TMTC2: variants seen among roughly 807,000 people sequenced by gnomAD.
TMTC2 encodes protein O-mannosyl-transferase TMTC2.
TMTC2 carries 43 observed loss-of-function variants against 82.4 expected under a neutral mutation model. That is an observed-to-expected ratio of 0.52 (90% confidence interval 0.41 to 0.67). TMTC2 has a LOEUF of 0.67. Ranked by LOEUF, TMTC2 falls within the 30% of genes least tolerant of loss-of-function variation. The pLI, the probability that TMTC2 is intolerant of heterozygous loss-of-function variation, is 0.00. For missense variants in TMTC2, 919 were observed against 1,012.4 expected, an observed-to-expected ratio of 0.91 and a Z score of 1.25; for synonymous variants, 408 against 381.9, an observed-to-expected ratio of 1.07 and a Z score of -0.80.
chr12:82,777,377 G>C (rs890825028), intron 1 of TMTC2, among the ~76,000 whole-genome samples: 5 of 151,940 alleles, frequency 3.3e-5, no homozygotes, highest in Non-Finnish European at 7.4e-5. Flanking sequence ...CATTTCTATT[G>C]GTATAGCAAG....
At chr12:83,128,616 A>G (rs954577336) in intron 11 of TMTC2, among the ~76,000 whole-genome samples, 3 of 152,278 alleles carry the variant, frequency 2.0e-5, no homozygotes, top group Non-Finnish European at 4.4e-5. Flanking sequence ...TGCTTCTCAA[A>G]TTTTAATGAG....
chr12:82,756,763 C>T (rs1876352869), intron 1 of TMTC2, among the ~76,000 whole-genome samples: 1 of 152,032 alleles, frequency 6.6e-6, no homozygotes, highest in Non-Finnish European at 1.5e-5. Flanking sequence ...TGGAAGACAT[C>T]CACCCTGTAC....
At chr12:83,101,699 T>G (rs959819520) in intron 11 of TMTC2, among the ~76,000 whole-genome samples, 1 of 152,212 alleles carries the variant, frequency 6.6e-6, no homozygotes, top group Admixed American at 6.5e-5. Context: ...CTTTGTTACC[T>G]TGAAGAACTA....
intron 3 of TMTC2, among the ~76,000 whole-genome samples, chr12:82,926,179 C>T (rs1592632445): frequency 6.6e-6 from 1 of 152,214 alleles, no homozygotes; most frequent in East Asian, 1.9e-4. Context: ...TGGGGTTTCA[C>T]CATGTTGGCC....
At chr12:82,744,149 C>T (rs972431227) in intron 1 of TMTC2, among the ~76,000 whole-genome samples, 6 of 152,078 alleles carry the variant, frequency 3.9e-5, no homozygotes, top group Non-Finnish European at 7.4e-5. Context: ...CAGCCGGGCA[C>T]GGTGGCTCAT....
At chr12:82,899,798 A>AAT (rs1185929388) in intron 3 of TMTC2, among the ~76,000 whole-genome samples, 32 of 145,926 alleles carry the variant, frequency 2.2e-4, no homozygotes, top group Admixed American at 4.2e-4. Context: ...CATATATAGG[A>AAT]ATATATATAT....
intron 1 of TMTC2, among the ~76,000 whole-genome samples, chr12:82,764,977 G>T (rs111406106): frequency 5.3e-4 from 80 of 150,784 alleles, no homozygotes; most frequent in South Asian, 1.1e-3. Context: ...TGGTGGGCGG[G>T]GGGGTGACTG....
intron 9 of TMTC2, 114 bp downstream of exon 9, chr12:83,030,993 C>T: frequency 2.8e-6 from 2 of 718,612 alleles, no homozygotes; most frequent in Non-Finnish European, 4.8e-6. Flanking sequence ...TTTGTTATTG[C>T]AGATTTAGCC....
chr12:83,072,985 A>C (rs999795187), intron 11 of TMTC2, among the ~76,000 whole-genome samples: 1 of 151,768 alleles, frequency 6.6e-6, no homozygotes. Context: ...TTTACATTCT[A>C]TGTTAATGTT....
intron 2 of TMTC2, among the ~76,000 whole-genome samples, chr12:82,862,478 G>C (rs1221891474): frequency 1.3e-5 from 2 of 152,144 alleles, no homozygotes; most frequent in African/African-American, 4.8e-5. Context: ...AGATAGTTTA[G>C]AAAAATGAAG....
At position 82,858,789 on chromosome 12, in the gene TMTC2, C is replaced by G. The variant is rs551087341; in HGVS notation, c.654+1209C>G. 3.3e-5 allele frequency among the ~76,000 whole-genome samples: 5 copies of G among 152,134 alleles called. No individual in the cohort carries two copies. The South Asian group carries it at 1.0e-3, about 32-fold the overall frequency. On this transcript the variant is annotated intron_variant, in intron 2 of 11. Transcript: ENST00000321196. ...TTAAATGCTGAAACTTTAAAAGAAACTCTGGTTAGAGTTTGATGCTTGAAA... is the reference window on the plus strand; with the variant it reads ...TTAAATGCTGAAACTTTAAAAGAAAGTCTGGTTAGAGTTTGATGCTTGAAA...
At chr12:82,934,588 GTA>G (rs1876217409) in intron 4 of TMTC2, among the ~76,000 whole-genome samples, 1 of 152,052 alleles carries the variant, frequency 6.6e-6, no homozygotes, top group Non-Finnish European at 1.5e-5. Flanking sequence ...GTAGTATTCT[GTA>G]GTGTATATGT....
chr12:83,008,259 C>T (rs1880294609), intron 8 of TMTC2, among the ~76,000 whole-genome samples: 1 of 152,094 alleles, frequency 6.6e-6, no homozygotes, highest in Non-Finnish European at 1.5e-5. Flanking sequence ...TTTGGGAACG[C>T]CCTCAATCAT....
At position 82,972,745 on chromosome 12, in the gene TMTC2, G is replaced by A. The variant is rs142706697; in HGVS notation, c.1948+5748G>A. ...GAAAACAATGCAAATGTTCTCGCTCGTAAATTCAAATTCTACTTTAGGTCT... is the reference window on the plus strand; with the variant it reads ...GAAAACAATGCAAATGTTCTCGCTCATAAATTCAAATTCTACTTTAGGTCT... On this transcript the variant is annotated intron_variant, in intron 7 of 11. Coordinates refer to ENST00000321196, the MANE Select transcript of TMTC2 (RefSeq NM_152588.3). Among the ~76,000 whole-genome samples the A allele has an allele frequency of 6.4e-3, 967 of 152,248 alleles. 7 individuals carry two copies. Among genetic ancestry groups the A allele is most frequent in the Non-Finnish European group, 9.2e-3 (624 of 67,982 alleles).
intron 1 of TMTC2, among the ~76,000 whole-genome samples, chr12:82,802,681 AGATATAGAAAAGT>A (rs1339339298): frequency 6.6e-6 from 1 of 152,198 alleles, no homozygotes; most frequent in Non-Finnish European, 1.5e-5. Flanking sequence ...AAAAGGCATG[AGATATAGAAAAGT>A]GAATTGCTGG....
At chr12:83,092,274 T>C (rs759403689) in intron 11 of TMTC2, among the ~76,000 whole-genome samples, 42 of 152,168 alleles carry the variant, frequency 2.8e-4, no homozygotes, top group Non-Finnish European at 4.1e-4. Flanking sequence ...CAGCCTCACA[T>C]AGAGCTTAAA....
intron 8 of TMTC2, among the ~76,000 whole-genome samples, chr12:82,987,875 T>C (rs1054546141): frequency 8.6e-5 from 13 of 151,910 alleles, no homozygotes; most frequent in African/African-American, 3.1e-4. Flanking sequence ...GGATGGGGAG[T>C]GAACAAAGTA....
intron 11 of TMTC2, among the ~76,000 whole-genome samples, chr12:83,080,902 A>G (rs1422454043): frequency 6.6e-6 from 1 of 152,188 alleles, no homozygotes; most frequent in African/African-American, 2.4e-5. Context: ...AGTTGGAGAA[A>G]CAACACTGGA....
At chr12:83,025,134 G>C (rs1457412605) in intron 8 of TMTC2, among the ~76,000 whole-genome samples, 1 of 152,102 alleles carries the variant, frequency 6.6e-6, no homozygotes, top group Non-Finnish European at 1.5e-5. Flanking sequence ...AGAGGTTGCA[G>C]TAAGCTGAGA....
Sources: gnomAD v4.1 joint callset for allele counts (sites outside exome capture counted in the v4.1 genomes callset) on GRCh38, gnomAD v4.1.1 for gene constraint, MANE v1.5 for transcripts, NCBI Gene and HGNC (gene_info 2026-07-23, HGNC 2026-07-21) for gene names.